Variants in KCNAB2 observed in about 807,000 individuals in gnomAD.
KCNAB2 encodes the protein potassium voltage-gated channel subfamily A regulatory beta subunit 2, also known as voltage-gated potassium channel subunit beta-2.
Under a neutral mutation model 63.6 loss-of-function variants are expected in KCNAB2, and 29 were observed. The observed-to-expected ratio is 0.46, with a 90% CI of 0.34 to 0.62. The LOEUF is 0.62. Among genes scored for constraint, KCNAB2 ranks in the 20% least tolerant of loss-of-function variants. The pLI is 0.01. For synonymous variants in KCNAB2, 222 were observed against 224.2 expected, an observed-to-expected ratio of 0.99 and a Z score of 0.09; for missense variants, 359 against 563.9, an observed-to-expected ratio of 0.64 and a Z score of 3.68.
chr1:6,057,887 AT>A (rs1661976173), intron 2 of KCNAB2, among the ~76,000 whole-genome samples: 1 of 152,176 alleles, frequency 6.6e-6, no homozygotes, highest in African/African-American at 2.4e-5. Flanking sequence ...ACAGTGGCTC[AT>A]GCTTATAATC....
intron 2 of KCNAB2, among the ~76,000 whole-genome samples, chr1:6,068,902 G>T (rs1039902433): frequency 6.6e-6 from 1 of 152,200 alleles, no homozygotes; most frequent in African/African-American, 2.4e-5. Flanking sequence ...CCAGTACCAG[G>T]CGCCACATTC....
rs575697796 is a variant in KCNAB2, at chr1:6,067,432, G to A, written c.219-5323G>A. 3.9e-5 allele frequency among the ~76,000 whole-genome samples: 6 copies of A among 152,312 alleles called. No homozygotes were observed. In the South Asian group the frequency reaches 1.0e-3, roughly 26 times the overall value. On this transcript the variant is annotated intron_variant, in intron 2 of 15. Coordinates refer to ENST00000378083, the MANE Select transcript of KCNAB2 (RefSeq NM_001199862.2). ...GGTGCCAACCTGAAAAGCATTGTGA[G>A]TCCATCCTGATGCCTGAGCTGTGTG...
rs529519306 is a variant in KCNAB2 at position 6,074,121 on chromosome 1, G to A, written c.300+351G>A. On this transcript the variant is annotated intron_variant, in intron 4 of 15. Coordinates refer to ENST00000378083, the MANE Select transcript of KCNAB2 (RefSeq NM_001199862.2). The surrounding 1 kb of genome is among the most constrained non-coding windows in gnomAD (Gnocchi z 4.9). ...CACACGCTTCCCAAATTCTGAAGCCGGATGCAGGTCCTAGCTGCCCCCATG... is the reference window on the plus strand; with the variant it reads ...CACACGCTTCCCAAATTCTGAAGCCAGATGCAGGTCCTAGCTGCCCCCATG... 3.3e-5 allele frequency among the ~76,000 whole-genome samples: 5 copies of A among 152,192 alleles called. No individual in the cohort carries two copies. In the South Asian group the frequency reaches 6.2e-4, roughly 19 times the overall value.
chr1:6,065,840 T>A (rs1359789821), intron 2 of KCNAB2, among the ~76,000 whole-genome samples: 1 of 152,188 alleles, frequency 6.6e-6, no homozygotes. Context: ...CAGCAGGTCT[T>A]CTGTACCTCG....
intron 2 of KCNAB2, among the ~76,000 whole-genome samples, chr1:6,064,048 T>C (rs1662542499): frequency 6.6e-6 from 1 of 152,214 alleles, no homozygotes; most frequent in African/African-American, 2.4e-5. Context: ...CCAGCCATTG[T>C]GGGATCCGAT....
rs1437682036 is a variant in KCNAB2, at chr1:6,028,418, G to T, written c.-52-12099G>T. Among the ~76,000 whole-genome samples, 1 of 152,186 alleles carries T rather than the reference G, an allele frequency of 6.6e-6. No homozygotes were observed. The highest frequency in any genetic ancestry group is 1.5e-5 in the Non-Finnish European group (1 of 68,038). On this transcript the variant is annotated intron_variant, in intron 1 of 16. Coordinates refer to the KCNAB2 transcript ENST00000341524. This position sits in a 1 kb window ranked among gnomAD's most constrained non-coding sequence, Gnocchi z 4.0. ...AGATACTTCGGGGGCTTGGCAGGGG[G>T]GACCTCCGGGGTTCCAGAAGCAACA...
Position 6,051,563 on chromosome 1 carries a change from T to G in KCNAB2, c.27T>G (p.Ser9Arg). 2 of 1,532,770 alleles carry G rather than the reference T, an allele frequency of 1.3e-6. No individual in the cohort carries two copies. The highest frequency in any genetic ancestry group is 2.7e-5 in the African/African-American group (2 of 73,034). The allele number at this position is 1,532,770 out of a possible 1,614,324, so 94.9% of individuals were successfully genotyped here. ...TGCTGTCCATGACGTACAGCGAGAG[T>G]CTGCGGAGCGTGAGCAGCAGGTGCC... is the stretch of plus-strand genomic sequence containing the variant. Reference protein sequence around the residue: MLSMTYSESLRSVSSRCHS... With the variant: MLSMTYSERLRSVSSRCHS... The change falls in exon 2 of 16, where the codon AGT becomes AGG. Residue 9 changes from serine (S) to arginine (R), a missense_variant. This residue lies in a region of KCNAB2 where 88 missense variants were observed against 87.8 expected (regional missense o/e 1.00). Transcript: ENST00000378083.
chr1:6,065,295 G>A lies in KCNAB2; in HGVS notation c.219-7460G>A, dbSNP rs180783450. ...GTCCTGGCTCAGCAGCTGTCAGCCCGGAGCAGCCAGCGATGGCCTCAGGGG... is the reference window on the plus strand; with the variant it reads ...GTCCTGGCTCAGCAGCTGTCAGCCCAGAGCAGCCAGCGATGGCCTCAGGGG... On this transcript the variant is annotated intron_variant, in intron 2 of 15. Transcript: ENST00000378083. 2.4e-3 allele frequency among the ~76,000 whole-genome samples: 363 copies of A among 152,356 alleles called. 2 individuals carry two copies. The highest frequency in any genetic ancestry group is 7.7e-3 in the African/African-American group (322 of 41,582).
intron 1 of KCNAB2, among the ~76,000 whole-genome samples, chr1:6,000,493 C>T (rs190049288): frequency 3.4e-4 from 51 of 152,228 alleles, no homozygotes; most frequent in Non-Finnish European, 7.1e-4. Context: ...ACTTCAGAGG[C>T]TCCGGGGAGC....
chr1:6,081,669 G>A (rs1311528588), intron 4 of KCNAB2, among the ~76,000 whole-genome samples: 4 of 152,124 alleles, frequency 2.6e-5, no homozygotes, highest in African/African-American at 9.7e-5. Flanking sequence ...TCCTTGGCTT[G>A]TAGACGTGTC....
chr1:6,085,118 G>A (rs1664583502), intron 5 of KCNAB2, 86 bp from the exon 6 acceptor site: 2 of 1,392,322 alleles, frequency 1.4e-6, no homozygotes, highest in African/African-American at 1.4e-5. Flanking sequence ...TTTTCACAGA[G>A]GGAACCAAGT....
chr1:6,030,724 G>GTTTATGTGTGTTTATGTGTGTA (rs1557427343), upstream of KCNAB2, among the ~76,000 whole-genome samples: 2 of 151,220 alleles, frequency 1.3e-5, no homozygotes. Context: ...GTATGTGTAT[G>GTTTATGTGTGTTTATGTGTGTA]TTTATGTGTG....
At chr1:6,093,651 C>A (rs1253775774) in intron 10 of KCNAB2, among the ~76,000 whole-genome samples, 1 of 152,252 alleles carries the variant, frequency 6.6e-6, no homozygotes, top group African/African-American at 2.4e-5. Flanking sequence ...CAGGCCCTGG[C>A]CCCTCACAGG....
At chr1:6,007,040 G>A (rs1250691201) in intron 1 of KCNAB2, among the ~76,000 whole-genome samples, 2 of 152,174 alleles carry the variant, frequency 1.3e-5, no homozygotes, top group Non-Finnish European at 2.9e-5. Flanking sequence ...TGTCCAGAGT[G>A]TCTCTGCTCA....
At chr1:6,052,626 T>A (rs1661487876) in intron 2 of KCNAB2, among the ~76,000 whole-genome samples, 1 of 152,124 alleles carries the variant, frequency 6.6e-6, no homozygotes, top group African/African-American at 2.4e-5. Context: ...CGGACAGCGC[T>A]CTGCTAGCCA....
At chr1:6,007,208 G>GGA (rs930506074) in intron 1 of KCNAB2, among the ~76,000 whole-genome samples, 7 of 151,976 alleles carry the variant, frequency 4.6e-5, no homozygotes, top group Non-Finnish European at 1.0e-4. Flanking sequence ...GCATGGGGGG[G>GGA]GCTCAGCTCC....
intron 1 of KCNAB2, among the ~76,000 whole-genome samples, chr1:6,013,310 C>T (rs1658301921): frequency 6.6e-6 from 1 of 152,070 alleles, no homozygotes; most frequent in African/African-American, 2.4e-5. Flanking sequence ...CTGGGGTAGG[C>T]GCTTGGCAGA....
chr1:6,085,347 G>A (rs2294934), intron 6 of KCNAB2, 99 bp downstream of exon 6: 105,718 of 987,398 alleles, frequency 0.11, 7,377 homozygotes, highest in East Asian at 0.37. Context: ...CGTAAGGCCC[G>A]CAAGTCCCCA....
chr1:6,081,745 C>G (rs918517927), intron 4 of KCNAB2, among the ~76,000 whole-genome samples: 1 of 152,230 alleles, frequency 6.6e-6, no homozygotes, highest in Admixed American at 6.5e-5. Context: ...TTGTAAATCA[C>G]CAGTCACATA....
Sources: gnomAD v4.1 joint callset for allele counts (sites outside exome capture counted in the v4.1 genomes callset) on GRCh38, gnomAD v4.1.1 for gene constraint, gnomAD v4.1.1 regional missense constraint, Gnocchi (gnomAD v3.1) non-coding constraint, MANE v1.5 for transcripts, NCBI Gene and HGNC (gene_info 2026-07-23, HGNC 2026-07-21) for gene names.